RBMS1: variants seen among roughly 807,000 people sequenced by gnomAD.
The protein encoded by RBMS1 is RNA-binding motif, single-stranded-interacting protein 1.
In RBMS1, 17 loss-of-function variants were observed where a neutral mutation model predicts 62.3. That is an observed-to-expected ratio of 0.27 (90% CI 0.19 to 0.41). RBMS1 has a LOEUF of 0.41. Among genes scored for constraint, RBMS1 ranks in the 10% least tolerant of loss-of-function variants. The probability of loss-of-function intolerance (pLI) is 1.00; values close to 1 mark genes in which losing one functional copy is unlikely to be tolerated. For missense variants in RBMS1, 334 were observed against 504.5 expected (o/e 0.66, Z 3.24); for synonymous variants, 172 against 170.0 (o/e 1.01, Z -0.09).
At position 160,387,310 on chromosome 2, in the gene RBMS1, A is replaced by AT. The variant is rs935110276; in HGVS notation, c.76-19920dup. 2.8e-3 allele frequency among the ~76,000 whole-genome samples: 405 copies of AT among 147,172 alleles called. 1 individual carries two copies. Among genetic ancestry groups the AT allele is most frequent in the African/African-American group, 6.3e-3 (254 of 40,374 alleles). On this transcript the variant is annotated intron_variant, in intron 1 of 13. Transcript: ENST00000348849. Reference sequence around the variant, plus strand: ...AGTATCTAGTCTTTTTATTTTAATGATTTTTTTTTTTTGCAGTCTTCCCTT... The same window carrying AT: ...AGTATCTAGTCTTTTTATTTTAATGATTTTTTTTTTTTTGCAGTCTTCCCTT...
chr2:160,344,139 A>T (rs923774661), intron 2 of RBMS1, among the ~76,000 whole-genome samples: 1 of 152,126 alleles, frequency 6.6e-6, no homozygotes, highest in Non-Finnish European at 1.5e-5. Context: ...CCTGAAAGTT[A>T]TATTTTTTAA....
In RBMS1 at chr2:160,309,667, C is replaced by T. The variant is rs528470671; in HGVS notation, c.402+3489G>A. On this transcript the variant is annotated intron_variant, in intron 4 of 13. Coordinates refer to ENST00000348849, the MANE Select transcript of RBMS1 (RefSeq NM_016836.4). The stretch of plus-strand genomic sequence containing the variant: ...AGGTGGGGATGGAGTTGGTTAAAGA[C>T]CTCAGAAAACCAAAGCATTCCATGA... Among the ~76,000 whole-genome samples, 11 of 152,238 alleles carry T rather than the reference C, an allele frequency of 7.2e-5. No individual in the cohort carries two copies. The East Asian group carries it at 2.1e-3, about 29-fold the overall frequency.
chr2:160,275,986 G>C (rs1286183787), intron 12 of RBMS1, among the ~76,000 whole-genome samples: 7 of 152,016 alleles, frequency 4.6e-5, no homozygotes, highest in Admixed American at 4.6e-4. Flanking sequence ...TTATCCCCTG[G>C]GGACAGATGT....
At chr2:160,367,120 T>A in intron 2 of RBMS1, 96 bp downstream of exon 2, 1 of 1,237,752 alleles carries the variant, frequency 8.1e-7, no homozygotes, top group Non-Finnish European at 1.1e-6. Flanking sequence ...CACAGATACT[T>A]CTTATAAACT....
At chr2:160,352,587 C>G (rs1275392516) in intron 2 of RBMS1, among the ~76,000 whole-genome samples, 1 of 152,138 alleles carries the variant, frequency 6.6e-6, no homozygotes, top group Non-Finnish European at 1.5e-5. Flanking sequence ...ACAAATGTAT[C>G]TCCTGCTATC....
At chr2:160,482,702 A>G (rs1035265895) in intron 1 of RBMS1, among the ~76,000 whole-genome samples, 2 of 152,150 alleles carry the variant, frequency 1.3e-5, no homozygotes, top group Non-Finnish European at 2.9e-5. Context: ...TTTTTCCCCA[A>G]AAAAGGGAGC....
intron 1 of RBMS1, among the ~76,000 whole-genome samples, chr2:160,475,060 T>C (rs1408238210): frequency 6.6e-6 from 1 of 152,216 alleles, no homozygotes; most frequent in Non-Finnish European, 1.5e-5. Context: ...TTTCCATTAT[T>C]GTTTTGCAAT....
chr2:160,418,033 T>G (rs1038548180), intron 1 of RBMS1, among the ~76,000 whole-genome samples: 2 of 152,154 alleles, frequency 1.3e-5, no homozygotes, highest in Admixed American at 1.3e-4. Flanking sequence ...CTCTCCACAA[T>G]CACGTCATTC....
At chr2:160,341,467 C>T (rs937192684) in intron 2 of RBMS1, among the ~76,000 whole-genome samples, 1 of 152,102 alleles carries the variant, frequency 6.6e-6, no homozygotes, top group Non-Finnish European at 1.5e-5. Flanking sequence ...CTTGGTACCA[C>T]TGTCAATGAC....
chr2:160,346,617 G>A (rs531195198), intron 2 of RBMS1, among the ~76,000 whole-genome samples: 13 of 152,224 alleles, frequency 8.5e-5, no homozygotes, highest in African/African-American at 2.9e-4. Flanking sequence ...ATGGGGTTAG[G>A]ATGAAGACAG....
chr2:160,407,061 G>A (rs1340833548), intron 1 of RBMS1, among the ~76,000 whole-genome samples: 2 of 152,076 alleles, frequency 1.3e-5, no homozygotes, highest in African/African-American at 4.8e-5. Context: ...CGTCTTCCGG[G>A]TTTCCTACGA....
chr2:160,442,923 A>C (rs755899535), intron 1 of RBMS1, among the ~76,000 whole-genome samples: 3 of 152,090 alleles, frequency 2.0e-5, no homozygotes, highest in African/African-American at 7.2e-5. Flanking sequence ...AATGACCTTG[A>C]GGCTGGGCGC....
Position 160,303,507 on chromosome 2 carries a change from TG to T in RBMS1, c.403-21del, listed in dbSNP as rs1270652660. 6.3e-7 allele frequency: 1 copy of T among 1,584,558 alleles called. No homozygotes were observed. Among genetic ancestry groups the T allele is most frequent in the Admixed American group, 1.9e-5 (1 of 53,324 alleles). ...CTGTTGCTAAAACAGAAGAGAGTGTTGTCCATTAATTTCCAACAGAAGGTGA... is the reference window on the plus strand; with the variant it reads ...CTGTTGCTAAAACAGAAGAGAGTGTTTCCATTAATTTCCAACAGAAGGTGA... On this transcript the variant is annotated intron_variant, in intron 4 of 13. Transcript: ENST00000348849.
At chr2:160,356,815 A>C (rs189868310) in intron 2 of RBMS1, among the ~76,000 whole-genome samples, 66 of 152,270 alleles carry the variant, frequency 4.3e-4, no homozygotes, top group Admixed American at 3.5e-3. Flanking sequence ...ATTAGAGATG[A>C]TAATTTTGCT....
chr2:160,480,448 A>G (rs1685318121), intron 1 of RBMS1, among the ~76,000 whole-genome samples: 1 of 152,228 alleles, frequency 6.6e-6, no homozygotes, highest in African/African-American at 2.4e-5. Flanking sequence ...CATAGAACCT[A>G]TGCCAACTAC....
chr2:160,383,568 A>G (rs547380675), intron 1 of RBMS1, among the ~76,000 whole-genome samples: 1 of 152,296 alleles, frequency 6.6e-6, no homozygotes, highest in South Asian at 2.1e-4. Flanking sequence ...ATGTTTCAGT[A>G]CATACAATGT....
At chr2:160,345,005 A>G (rs549857993) in intron 2 of RBMS1, among the ~76,000 whole-genome samples, 1 of 152,282 alleles carries the variant, frequency 6.6e-6, no homozygotes, top group South Asian at 2.1e-4. Flanking sequence ...ACATACCTCT[A>G]TGTATCTCCT....
chr2:160,472,884 C>T (rs767396859), intron 1 of RBMS1, among the ~76,000 whole-genome samples: 6 of 152,112 alleles, frequency 3.9e-5, no homozygotes, highest in Non-Finnish European at 7.4e-5. Flanking sequence ...AATGAATGTT[C>T]TCTATTCCTG....
intron 1 of RBMS1, among the ~76,000 whole-genome samples, chr2:160,384,346 G>A (rs904304458): frequency 6.6e-6 from 1 of 152,178 alleles, no homozygotes; most frequent in Admixed American, 6.5e-5. Flanking sequence ...TTAGAAAACA[G>A]CAGATGTCCC....
Sources: allele counts gnomAD v4.1 joint callset (sites outside exome capture counted in the v4.1 genomes callset), GRCh38; gene constraint gnomAD v4.1.1; transcripts MANE v1.5; gene names NCBI Gene and HGNC (gene_info 2026-07-23, HGNC 2026-07-21).